The following GULP1 variants were observed in gnomAD, a reference collection of about 807,000 sequenced individuals.
GULP1 encodes the protein GULP PTB domain containing engulfment adaptor 1.
In GULP1, 19 loss-of-function variants were observed where a neutral mutation model predicts 40.9. That is an observed-to-expected ratio of 0.46 (90% CI 0.32 to 0.68). The LOEUF is 0.68. Among genes scored for constraint, GULP1 ranks in the 30% least tolerant of loss-of-function variants. GULP1 has a pLI of 0.03. For missense variants in GULP1, 312 were observed against 362.2 expected, an observed-to-expected ratio of 0.86 and a Z score of 1.12; for synonymous variants, 119 against 117.6, an observed-to-expected ratio of 1.01 and a Z score of -0.08.
rs990923852 is a variant in GULP1 at position 188,496,837 on chromosome 2, T to G, written c.90+13345T>G. 7.8e-4 allele frequency among the ~76,000 whole-genome samples: 118 copies of G among 151,920 alleles called. 1 individual carries two copies. The highest frequency in any genetic ancestry group is 2.2e-4 in the Non-Finnish European group (15 of 67,932). ...AACACCATCCGCCTTGATGTTGTCC[T>G]GGCGAGAGTGAGTTATGGCAAGATC... On this transcript the variant is annotated intron_variant, in intron 4 of 11. Coordinates refer to ENST00000409830, the MANE Select transcript of GULP1 (RefSeq NM_016315.4).
At chr2:188,371,719 A>G (rs1326948865) in intron 1 of GULP1, among the ~76,000 whole-genome samples, 1 of 152,152 alleles carries the variant, frequency 6.6e-6, no homozygotes, top group African/African-American at 2.4e-5. Context: ...TAATAGGCTG[A>G]CATCTATTAT....
chr2:188,458,603 A>G (rs1013298562), intron 2 of GULP1, among the ~76,000 whole-genome samples: 2 of 152,172 alleles, frequency 1.3e-5, no homozygotes, highest in African/African-American at 4.8e-5. Flanking sequence ...TTTAATACAG[A>G]CATGCAATGC....
At chr2:188,498,430 T>C (rs1179778436) in intron 4 of GULP1, among the ~76,000 whole-genome samples, 1 of 151,876 alleles carries the variant, frequency 6.6e-6, no homozygotes, top group Non-Finnish European at 1.5e-5. Context: ...GCCCAAAATA[T>C]AGAGCATAGT....
intron 1 of GULP1, among the ~76,000 whole-genome samples, chr2:188,344,845 T>TAC (rs564408977): frequency 2.4e-4 from 37 of 152,300 alleles, no homozygotes; most frequent in African/African-American, 7.7e-4. Context: ...CAGAAACATA[T>TAC]ACACACATAT....
intron 2 of GULP1, among the ~76,000 whole-genome samples, chr2:188,420,270 G>C (rs2055207992): frequency 6.6e-6 from 1 of 152,104 alleles, no homozygotes; most frequent in Non-Finnish European, 1.5e-5. Context: ...AGATTACTTT[G>C]AGTAGTATGA....
chr2:188,545,753 T>C (rs945368877), intron 7 of GULP1, among the ~76,000 whole-genome samples: 1 of 151,906 alleles, frequency 6.6e-6, no homozygotes, highest in Admixed American at 6.6e-5. Context: ...TAAATGTAAA[T>C]GGTCTAACTA....
chr2:188,474,242 G>A (rs2060824945), intron 2 of GULP1, among the ~76,000 whole-genome samples: 1 of 152,102 alleles, frequency 6.6e-6, no homozygotes, highest in Non-Finnish European at 1.5e-5. Flanking sequence ...GCCTCAGCTT[G>A]TGTCTCAGTA....
At chr2:188,360,087 T>C (rs570241130) in intron 1 of GULP1, among the ~76,000 whole-genome samples, 1 of 152,250 alleles carries the variant, frequency 6.6e-6, no homozygotes, top group South Asian at 2.1e-4. Context: ...CAAGATGCTC[T>C]GCTGCCTCTT....
chr2:188,333,063 A>G (rs762750477), intron 1 of GULP1, among the ~76,000 whole-genome samples: 9 of 151,976 alleles, frequency 5.9e-5, no homozygotes, highest in Non-Finnish European at 1.0e-4. Flanking sequence ...TAGGCAATAT[A>G]GTGAGACCTC....
chr2:188,570,753 C>G (rs1228411940), intron 9 of GULP1, among the ~76,000 whole-genome samples: 1 of 152,064 alleles, frequency 6.6e-6, no homozygotes, highest in Non-Finnish European at 1.5e-5. Flanking sequence ...GAATTTAAAA[C>G]AATATTTTTT....
intron 1 of GULP1, among the ~76,000 whole-genome samples, chr2:188,339,976 A>C (rs1010880256): frequency 6.6e-6 from 1 of 152,228 alleles, no homozygotes; most frequent in African/African-American, 2.4e-5. Context: ...ATTAATTAAA[A>C]AGGACTTTGT....
At chr2:188,566,509 T>C (rs116038029) in intron 7 of GULP1, among the ~76,000 whole-genome samples, 3,190 of 152,122 alleles carry the variant, frequency 0.021, 104 homozygotes, top group African/African-American at 0.073. Context: ...AATTGAGTAT[T>C]TAAAGATAAC....
At chr2:188,495,281 G>C (rs2062793053) in intron 4 of GULP1, among the ~76,000 whole-genome samples, 1 of 152,114 alleles carries the variant, frequency 6.6e-6, no homozygotes, top group South Asian at 2.1e-4. Flanking sequence ...CCAATACCTA[G>C]ACTATACCTA....
At chr2:188,559,183 C>G (rs1439976915) in intron 7 of GULP1, among the ~76,000 whole-genome samples, 1 of 152,162 alleles carries the variant, frequency 6.6e-6, no homozygotes, top group East Asian at 1.9e-4. Flanking sequence ...GTTTTCTGGG[C>G]CTGGCCCAGG....
chr2:188,454,648 A>G (rs1352527021), intron 2 of GULP1, among the ~76,000 whole-genome samples: 1 of 152,220 alleles, frequency 6.6e-6, no homozygotes, highest in African/African-American at 2.4e-5. Flanking sequence ...TTCAAATTGG[A>G]TAAGAGGACT....
intron 2 of GULP1, among the ~76,000 whole-genome samples, chr2:188,436,958 A>G (rs944098232): frequency 2.0e-5 from 3 of 152,128 alleles, no homozygotes; most frequent in African/African-American, 7.2e-5. Context: ...TCTGCAATAA[A>G]CTAACATAAT....
intron 6 of GULP1, among the ~76,000 whole-genome samples, chr2:188,531,940 T>C (rs1041468644): frequency 8.5e-5 from 13 of 152,182 alleles, no homozygotes; most frequent in African/African-American, 3.1e-4. Context: ...AGGCCATGCT[T>C]ATGTTGAAAG....
chr2:188,297,124 A>G (rs538792392), intron 1 of GULP1, among the ~76,000 whole-genome samples: 2 of 152,196 alleles, frequency 1.3e-5, no homozygotes, highest in East Asian at 3.9e-4. Flanking sequence ...TTTCCCAGAT[A>G]AGTATTGCTA....
intron 1 of GULP1, among the ~76,000 whole-genome samples, chr2:188,303,232 C>G (rs1246359013): frequency 1.3e-5 from 2 of 152,140 alleles, no homozygotes; most frequent in Non-Finnish European, 2.9e-5. Flanking sequence ...AGATATATAT[C>G]TCTTTGTCTT....
Sources: allele counts gnomAD v4.1 joint callset (sites outside exome capture counted in the v4.1 genomes callset), GRCh38; gene constraint gnomAD v4.1.1; transcripts MANE v1.5; gene names NCBI Gene and HGNC (gene_info 2026-07-23, HGNC 2026-07-21).